Variants in STX2 observed in about 807,000 individuals in gnomAD.
STX2 encodes the protein syntaxin-2.
STX2 carries 27 observed loss-of-function variants against 40.6 expected under a neutral mutation model. The ratio of observed to expected loss-of-function variants is 0.66; its 90% CI spans 0.49 to 0.92. The LOEUF is 0.92. STX2 is among the 40% of genes least tolerant of loss of function. STX2 has a pLI of 0.00. For synonymous variants in STX2, 123 were observed against 119.1 expected (o/e 1.03, Z -0.22); for missense variants, 328 against 366.1 (o/e 0.90, Z 0.85).
intron 2 of STX2, among the ~76,000 whole-genome samples, chr12:130,824,416 G>T (rs2136327749): frequency 6.6e-6 from 1 of 152,176 alleles, no homozygotes; most frequent in African/African-American, 2.4e-5. Context: ...CATTTCTAAA[G>T]TAATACACAT....
chr12:130,796,071 G>A lies in STX2; in HGVS notation c.836C>T (p.Ala279Val), dbSNP rs377416830. The change falls in exon 10 of 11, where the codon GCT becomes GTT. Residue 279 changes from alanine to valine, a missense_variant. Physicochemically the swap from Ala to Val is moderately conservative, Grantham distance 64. Coordinates refer to ENST00000392373, the MANE Select transcript of STX2 (RefSeq NM_194356.4). Reference protein sequence around the residue: ...AVSVVLVAIIALIIGLSVGK With the variant: ...AVSVVLVAIIVLIIGLSVGK ...GCCAACTGACAAGCCAATAATTAGA[G>A]CGATTATGGCAACCAGAACCACTGA... 13 of 1,614,036 alleles carry A rather than the reference G, an allele frequency of 8.1e-6. No homozygotes were observed. Among genetic ancestry groups the A allele is most frequent in the African/African-American group, 1.3e-5 (1 of 74,916 alleles).
intron 2 of STX2, among the ~76,000 whole-genome samples, chr12:130,822,844 G>A (rs1282060960): frequency 2.0e-5 from 3 of 152,284 alleles, no homozygotes; most frequent in South Asian, 2.1e-4. Context: ...TAAATAACTC[G>A]CAAAAGCTTA....
intron 2 of STX2, among the ~76,000 whole-genome samples, chr12:130,825,980 C>T (rs910680356): frequency 6.6e-6 from 1 of 152,190 alleles, no homozygotes; most frequent in Admixed American, 6.6e-5. Flanking sequence ...AGAATTTCAG[C>T]AGGGCCTAAG....
At chr12:130,804,007 G>C (rs1951332929) in intron 6 of STX2, among the ~76,000 whole-genome samples, 1 of 152,182 alleles carries the variant, frequency 6.6e-6, no homozygotes, top group African/African-American at 2.4e-5. Flanking sequence ...TGCAGTCCTA[G>C]ACCCCACCTG....
chr12:130,796,627 T>C (rs1951036442), intron 9 of STX2, among the ~76,000 whole-genome samples: 2 of 152,234 alleles, frequency 1.3e-5, no homozygotes, highest in Non-Finnish European at 1.5e-5. Context: ...TAAGCTGCTA[T>C]GTAACTGTTA....
At chr12:130,807,833 T>A (rs1384427921) in intron 5 of STX2, among the ~76,000 whole-genome samples, 1 of 152,182 alleles carries the variant, frequency 6.6e-6, no homozygotes, top group Non-Finnish European at 1.5e-5. Flanking sequence ...AAAGGGACAG[T>A]TAAGCTTGGG....
At chr12:130,813,317 A>G (rs928482801) in intron 3 of STX2, among the ~76,000 whole-genome samples, 1 of 152,142 alleles carries the variant, frequency 6.6e-6, no homozygotes, top group African/African-American at 2.4e-5. Flanking sequence ...GAGTTAGCAA[A>G]CCCTCCAGGT....
intron 8 of STX2, among the ~76,000 whole-genome samples, chr12:130,799,218 A>G (rs977684538): frequency 6.6e-6 from 1 of 152,246 alleles, no homozygotes. Flanking sequence ...AAAGCATTGA[A>G]GAATGACGGA....
chr12:130,839,143 G>A lies in STX2; in HGVS notation c.-44C>T, dbSNP rs1200760783. On this transcript the variant is annotated 5_prime_UTR_variant, in exon 1 of 11. Transcript: ENST00000392373. Reference sequence around the variant, plus strand: ...GCGCCCCGCCGCTCAAGCCTGTCCCGAGCTGCCTCCGGCCGGGCCTCGGGC... The same window carrying A: ...GCGCCCCGCCGCTCAAGCCTGTCCCAAGCTGCCTCCGGCCGGGCCTCGGGC... 1.0e-5 allele frequency: 12 copies of A among 1,183,894 alleles called. No individual in the cohort carries two copies. Among genetic ancestry groups the A allele is most frequent in the Middle Eastern group, 3.4e-4 (1 of 2,952 alleles). 73.3% of individuals were successfully genotyped at this position (1,183,894 alleles called of 1,614,324 possible). A position where few individuals can be genotyped will look rare whatever the true frequency, so the allele number is the denominator to read the frequency against.
At chr12:130,797,064 T>C (rs377129432) in intron 9 of STX2, among the ~76,000 whole-genome samples, 1 of 152,152 alleles carries the variant, frequency 6.6e-6, no homozygotes, top group Non-Finnish European at 1.5e-5. Flanking sequence ...AAAAAGACAG[T>C]GTCATTTCTG....
rs553359781 is a variant in STX2 at position 130,832,742 on chromosome 12, C to G, written c.31-5475G>C. 2.6e-5 allele frequency among the ~76,000 whole-genome samples: 4 copies of G among 152,356 alleles called. No individual in the cohort carries two copies. In the South Asian group the frequency reaches 8.3e-4, roughly 32 times the overall value. ...TCAGGATCTCGCTCCAGCCAACCTC[C>G]TCAGCTCACTCACGTCTCACCTCCG... On this transcript the variant is annotated intron_variant, in intron 1 of 10. Coordinates refer to ENST00000392373, the MANE Select transcript of STX2 (RefSeq NM_194356.4).
intron 10 of STX2, among the ~76,000 whole-genome samples, chr12:130,793,029 A>T (rs1168050746): frequency 6.6e-6 from 1 of 152,188 alleles, no homozygotes; most frequent in Non-Finnish European, 1.5e-5. Flanking sequence ...TCTCTTTTTG[A>T]ACAGCAGAGA....
intron 2 of STX2, among the ~76,000 whole-genome samples, chr12:130,826,680 T>C (rs1417599717): frequency 6.6e-6 from 1 of 152,132 alleles, no homozygotes; most frequent in Non-Finnish European, 1.5e-5. Context: ...ATATGATAAA[T>C]GCACAATCAT....
intron 10 of STX2, among the ~76,000 whole-genome samples, chr12:130,795,178 G>C (rs1950990301): frequency 6.6e-6 from 1 of 152,142 alleles, no homozygotes. Context: ...AATATTAAAG[G>C]AAATATTTTT....
chr12:130,805,357 C>A (rs1014295787), intron 6 of STX2, among the ~76,000 whole-genome samples: 2 of 152,216 alleles, frequency 1.3e-5, no homozygotes, highest in Non-Finnish European at 2.9e-5. Flanking sequence ...GAGCCTGCTG[C>A]TGCCCTCAGA....
At chr12:130,825,537 G>A (rs1173635001) in intron 2 of STX2, among the ~76,000 whole-genome samples, 3 of 152,186 alleles carry the variant, frequency 2.0e-5, no homozygotes, top group Non-Finnish European at 4.4e-5. Flanking sequence ...GTGAAATCAG[G>A]AAATCCCAGC....
At chr12:130,795,581 T>A (rs1387734716) in intron 10 of STX2, among the ~76,000 whole-genome samples, 1 of 152,104 alleles carries the variant, frequency 6.6e-6, no homozygotes, top group Non-Finnish European at 1.5e-5. Context: ...AAAAATAATT[T>A]TTTTAAAAAT....
chr12:130,835,936 G>A (rs930002085), intron 1 of STX2, among the ~76,000 whole-genome samples: 1 of 148,422 alleles, frequency 6.7e-6, no homozygotes, highest in Non-Finnish European at 1.5e-5. Flanking sequence ...TCAGAGGCAC[G>A]TTCTTCACAG....
intron 3 of STX2, among the ~76,000 whole-genome samples, chr12:130,814,679 C>A (rs1005740896): frequency 7.2e-6 from 1 of 138,970 alleles, no homozygotes; most frequent in Non-Finnish European, 1.5e-5. Flanking sequence ...TCTTGTCACC[C>A]AGGCTGGAGT....
Sources: gnomAD v4.1 joint callset for allele counts (sites outside exome capture counted in the v4.1 genomes callset) on GRCh38, gnomAD v4.1.1 for gene constraint, MANE v1.5 for transcripts, NCBI Gene and HGNC (gene_info 2026-07-23, HGNC 2026-07-21) for gene names.